The following ANKRD30BL variants were observed in gnomAD, a reference collection of about 807,000 sequenced individuals.
ANKRD30BL encodes the protein putative ankyrin repeat domain-containing protein 30B-like.
In ANKRD30BL, 20 loss-of-function variants were observed where a neutral mutation model predicts 18.4. The ratio of observed to expected loss-of-function variants is 1.09; its 90% CI spans 0.77 to 1.58. The LOEUF (loss-of-function observed/expected upper bound fraction) is 1.58. Among genes scored for constraint, ANKRD30BL ranks in the 40% most tolerant of loss-of-function variants. The pLI is 0.00. For missense variants in ANKRD30BL, 224 were observed against 268.6 expected, an observed-to-expected ratio of 0.83 and a Z score of 1.16; for synonymous variants, 72 against 100.9, an observed-to-expected ratio of 0.71 and a Z score of 1.72.
At chr2:132,186,913 TC>T (rs1688570518) in intron 1 of ANKRD30BL, among the ~76,000 whole-genome samples, 1 of 152,032 alleles carries the variant, frequency 6.6e-6, no homozygotes, top group South Asian at 2.1e-4. Context: ...ATGTCATCTT[TC>T]TTTTGCTGTT....
At position 132,183,089 on chromosome 2, in the gene ANKRD30BL, A is replaced by G. The variant is rs1368142389; in HGVS notation, n.442-25943T>C. On this transcript the variant is annotated intron_variant and non_coding_transcript_variant, in intron 1 of 4. Coordinates refer to the ANKRD30BL transcript ENST00000470729. ...AAAACATCTTTGAGAGTCTTTTTTC[A>G]TGAGGCACTAAATTCCTTGGTACAA... Among the ~76,000 whole-genome samples the G allele has an allele frequency of 2.6e-5, 4 of 151,778 alleles. No individual in the cohort carries two copies. In the East Asian group the frequency reaches 7.7e-4, roughly 29 times the overall value.
chr2:132,202,254 C>G (rs1399380040), intron 1 of ANKRD30BL, among the ~76,000 whole-genome samples: 1 of 151,898 alleles, frequency 6.6e-6, no homozygotes, highest in Admixed American at 6.6e-5. Context: ...AACTAACCTG[C>G]ACATTGTGCA....
intron 1 of ANKRD30BL, among the ~76,000 whole-genome samples, chr2:132,169,979 A>T (rs1311876889): frequency 6.6e-6 from 1 of 152,130 alleles, no homozygotes; most frequent in Non-Finnish European, 1.5e-5. Flanking sequence ...TTTTTGCCTC[A>T]TTGGTAGATA....
At chr2:132,251,024 G>T (rs79226182) in intron 1 of ANKRD30BL, among the ~76,000 whole-genome samples, 3 of 152,146 alleles carry the variant, frequency 2.0e-5, no homozygotes, top group Admixed American at 6.6e-5. Flanking sequence ...GCTGTGCTGC[G>T]AGTGGACAGA....
intron 1 of ANKRD30BL, among the ~76,000 whole-genome samples, chr2:132,254,359 C>G (rs796894705): frequency 6.6e-6 from 1 of 152,212 alleles, no homozygotes; most frequent in Non-Finnish European, 1.5e-5. Context: ...ATGATCCCTC[C>G]GCAGGTTCAC....
At chr2:132,240,358 C>T (rs1433333806) in intron 1 of ANKRD30BL, among the ~76,000 whole-genome samples, 2 of 151,464 alleles carry the variant, frequency 1.3e-5, no homozygotes, top group Admixed American at 1.3e-4. Flanking sequence ...CCAGAAACTT[C>T]TTGTGATGTT....
chr2:132,202,642 A>T (rs1210970071), intron 1 of ANKRD30BL, among the ~76,000 whole-genome samples: 1 of 152,126 alleles, frequency 6.6e-6, no homozygotes, highest in South Asian at 2.1e-4. Flanking sequence ...GGGTAAAAAA[A>T]TTTTAAAAAC....
chr2:132,222,228 C>T (rs1246033661), intron 1 of ANKRD30BL, among the ~76,000 whole-genome samples: 4 of 146,694 alleles, frequency 2.7e-5, no homozygotes, highest in East Asian at 2.1e-4. Context: ...GTCAGCCCCC[C>T]GCCCGGCCAG....
intron 4 of ANKRD30BL, chr2:132,153,768 C>A (rs1687829763): frequency 7.4e-6 from 5 of 677,118 alleles, no homozygotes; most frequent in South Asian, 4.7e-5. Flanking sequence ...ATAGAATTAA[C>A]CATTTACATG....
intron 1 of ANKRD30BL, among the ~76,000 whole-genome samples, chr2:132,221,429 C>T (rs1375286083): frequency 1.5e-5 from 2 of 134,652 alleles, no homozygotes; most frequent in Non-Finnish European, 3.1e-5. Context: ...GGGGGATCAG[C>T]CCCCCGCCTG....
intron 1 of ANKRD30BL, among the ~76,000 whole-genome samples, chr2:132,251,720 AAAC>A (rs1198054565): frequency 4.6e-5 from 7 of 152,270 alleles, no homozygotes; most frequent in Admixed American, 4.6e-4. Context: ...ATACCAAACA[AAAC>A]AATTCCATTC....
At chr2:132,196,097 G>A (rs1272731460) in intron 1 of ANKRD30BL, among the ~76,000 whole-genome samples, 14 of 149,558 alleles carry the variant, frequency 9.4e-5, no homozygotes, top group South Asian at 4.2e-4. Context: ...AGCTGAGATC[G>A]CGCCACTGCA....
intron 1 of ANKRD30BL, among the ~76,000 whole-genome samples, chr2:132,206,137 G>A (rs1340677185): frequency 1.3e-5 from 2 of 152,046 alleles, no homozygotes. Context: ...CAGCATGGGT[G>A]ACAGAGCAAG....
intron 1 of ANKRD30BL, among the ~76,000 whole-genome samples, chr2:132,177,804 C>T (rs1340074379): frequency 1.3e-5 from 2 of 152,058 alleles, no homozygotes; most frequent in African/African-American, 2.4e-5. Flanking sequence ...TATATTGACC[C>T]CTAACCTAGG....
At chr2:132,236,331 T>C (rs1680150489) in intron 1 of ANKRD30BL, among the ~76,000 whole-genome samples, 1 of 151,870 alleles carries the variant, frequency 6.6e-6, no homozygotes, top group African/African-American at 2.4e-5. Flanking sequence ...AAGACAAAAT[T>C]GACAAATGGG....
At chr2:132,221,335 C>T (rs1679672127) in intron 1 of ANKRD30BL, among the ~76,000 whole-genome samples, 4 of 147,496 alleles carry the variant, frequency 2.7e-5, no homozygotes, top group South Asian at 2.1e-4. Flanking sequence ...GGTCAGCCCC[C>T]CGCCCGGCCA....
At chr2:132,257,212 G>C (rs796202597) in intron 1 of ANKRD30BL, 2 of 412,904 alleles carry the variant, frequency 4.8e-6, no homozygotes, top group Non-Finnish European at 9.6e-6. Context: ...CCAGGAGACC[G>C]GCATGCCCCC....
upstream of ANKRD30BL, among the ~76,000 whole-genome samples, chr2:132,165,051 G>T (rs1688160917): frequency 1.3e-5 from 2 of 151,994 alleles, no homozygotes; most frequent in Non-Finnish European, 2.9e-5. Context: ...TCCAGCCTGG[G>T]CGACAGAGCA....
At chr2:132,157,549 C>A (rs1471717614) in intron 1 of ANKRD30BL, 126 bp from the exon 2 acceptor site, 5 of 443,506 alleles carry the variant, frequency 1.1e-5, no homozygotes, top group African/African-American at 1.0e-4. Context: ...ATTTAATATT[C>A]TCCTGAAGAA....
Sources: allele counts gnomAD v4.1 joint callset (sites outside exome capture counted in the v4.1 genomes callset), GRCh38; gene constraint gnomAD v4.1.1; transcripts MANE v1.5; gene names NCBI Gene and HGNC (gene_info 2026-07-23, HGNC 2026-07-21).